ERC2: variants seen among roughly 807,000 people sequenced by gnomAD.
ERC2 encodes ELKS/RAB6-interacting/CAST family member 2, also known as ERC protein 2.
A neutral mutation model predicts 114.8 loss-of-function variants in ERC2; 42 were observed. That is an observed-to-expected ratio of 0.37 (90% CI 0.29 to 0.47). The LOEUF (loss-of-function observed/expected upper bound fraction) is 0.47, where lower values mean the gene tolerates loss of function less well. Ranked by LOEUF, ERC2 falls within the 20% of genes least tolerant of loss-of-function variation. The pLI is 0.99. For missense variants in ERC2, 939 were observed against 1,150.7 expected, an observed-to-expected ratio of 0.82 and a Z score of 2.66; for synonymous variants, 454 against 425.5, an observed-to-expected ratio of 1.07 and a Z score of -0.82.
chr3:56,173,407 A>G (rs771003651), intron 4 of ERC2, 39 bp downstream of exon 4: 1 of 1,589,230 alleles, frequency 6.3e-7, no homozygotes, highest in East Asian at 2.2e-5. Flanking sequence ...ACAAACTCCC[A>G]AGGCATAACT....
chr3:56,226,668 C>T (rs1170644697), intron 3 of ERC2, among the ~76,000 whole-genome samples: 1 of 152,052 alleles, frequency 6.6e-6, no homozygotes, highest in African/African-American at 2.4e-5. Context: ...ACAAATGGGT[C>T]TCCACCCTAC....
intron 17 of ERC2, among the ~76,000 whole-genome samples, chr3:55,583,399 T>TTTCCTTCCTTCATTCC: frequency 2.3e-5 from 2 of 87,074 alleles, no homozygotes; most frequent in South Asian, 4.6e-4. Flanking sequence ...TCCTTCCTTC[T>TTTCCTTCCTTCATTCC]TTCCTTCCTT....
intron 2 of ERC2, among the ~76,000 whole-genome samples, chr3:56,336,831 T>C (rs1205675623): frequency 6.6e-6 from 1 of 152,118 alleles, no homozygotes; most frequent in Non-Finnish European, 1.5e-5. Context: ...TCAATGTGGA[T>C]TGTGCAGAGG....
chr3:55,763,338 A>G (rs1340488709), intron 14 of ERC2, among the ~76,000 whole-genome samples: 6 of 152,230 alleles, frequency 3.9e-5, no homozygotes, highest in Non-Finnish European at 7.3e-5. Context: ...ACAGATGTCT[A>G]GTATTGCTAG....
chr3:56,014,771 A>G (rs141874648), intron 8 of ERC2, among the ~76,000 whole-genome samples: 1 of 152,354 alleles, frequency 6.6e-6, no homozygotes, highest in Non-Finnish European at 1.5e-5. Flanking sequence ...ATTTTAAGAA[A>G]GAAATCAAGA....
At chr3:55,935,465 A>G (rs1053560620) in intron 13 of ERC2, among the ~76,000 whole-genome samples, 6 of 152,204 alleles carry the variant, frequency 3.9e-5, no homozygotes, top group African/African-American at 1.4e-4. Context: ...CATTTGCTGA[A>G]TAGCTCAATT....
At chr3:56,357,997 A>G (rs1237489089) in intron 2 of ERC2, among the ~76,000 whole-genome samples, 2 of 151,788 alleles carry the variant, frequency 1.3e-5, no homozygotes, top group African/African-American at 4.8e-5. Flanking sequence ...CAAATAATGG[A>G]TAAAGACAAG....
At chr3:55,921,275 G>A (rs2149383954) in intron 13 of ERC2, among the ~76,000 whole-genome samples, 1 of 152,168 alleles carries the variant, frequency 6.6e-6, no homozygotes, top group African/African-American at 2.4e-5. Flanking sequence ...ACCCAAAATA[G>A]TTATGACCCT....
chr3:56,368,585 A>T (rs1253903925), intron 2 of ERC2, among the ~76,000 whole-genome samples: 1 of 152,042 alleles, frequency 6.6e-6, no homozygotes, highest in Admixed American at 6.6e-5. Flanking sequence ...CATGCAATCC[A>T]CTCCCTCAAG....
intron 2 of ERC2, among the ~76,000 whole-genome samples, chr3:56,406,110 C>T (rs1359371069): frequency 2.1e-5 from 3 of 145,096 alleles, no homozygotes; most frequent in Non-Finnish European, 4.6e-5. Flanking sequence ...CCAGGCTTGT[C>T]GTGAACTCCT....
intron 13 of ERC2, among the ~76,000 whole-genome samples, chr3:55,918,176 G>A (rs548605183): frequency 2.0e-5 from 3 of 152,176 alleles, no homozygotes; most frequent in South Asian, 2.1e-4. Context: ...TTCATTGACC[G>A]AAGCTTGGTC....
At chr3:55,677,679 C>T (rs1407736638) in intron 17 of ERC2, among the ~76,000 whole-genome samples, 2 of 152,092 alleles carry the variant, frequency 1.3e-5, no homozygotes, top group African/African-American at 4.8e-5. Flanking sequence ...ATCCAGAGAC[C>T]ACACTGTTAG....
In ERC2 at chr3:56,366,758, CTG is replaced by C. The variant is rs1168693319; in HGVS notation, c.657+67591_657+67592del. Reference sequence around the variant, plus strand: ...GAACACAGGCACAGGCCCTATAAGCCTGTTGTCTAAGCCGGCTTTACAGACTG... The same window carrying C: ...GAACACAGGCACAGGCCCTATAAGCCTTGTCTAAGCCGGCTTTACAGACTG... On this transcript the variant is annotated intron_variant, in intron 2 of 17. Coordinates refer to ENST00000288221, the MANE Select transcript of ERC2 (RefSeq NM_015576.3). 9.7e-4 allele frequency among the ~76,000 whole-genome samples: 148 copies of C among 152,324 alleles called. 1 individual carries two copies. Among genetic ancestry groups the C allele is most frequent in the African/African-American group, 3.4e-3 (141 of 41,578 alleles).
intron 14 of ERC2, among the ~76,000 whole-genome samples, chr3:55,749,180 C>A (rs1348165375): frequency 1.3e-5 from 2 of 152,290 alleles, no homozygotes; most frequent in East Asian, 3.9e-4. Context: ...AAGAGGCCCC[C>A]AGGCCTGGAA....
At chr3:55,577,517 C>T (rs867143485) in intron 17 of ERC2, among the ~76,000 whole-genome samples, 11 of 152,300 alleles carry the variant, frequency 7.2e-5, no homozygotes, top group Middle Eastern at 3.4e-3. Context: ...GCTCTGGGTG[C>T]TCCATAAACA....
intron 2 of ERC2, among the ~76,000 whole-genome samples, chr3:56,372,627 C>A (rs2059398559): frequency 1.3e-5 from 2 of 152,024 alleles, no homozygotes; most frequent in Admixed American, 1.3e-4. Flanking sequence ...ACTCAGGAGG[C>A]TGAGGTGGGA....
chr3:55,935,914 C>T (rs1186717656), intron 13 of ERC2, among the ~76,000 whole-genome samples: 1 of 152,162 alleles, frequency 6.6e-6, no homozygotes, highest in Non-Finnish European at 1.5e-5. Flanking sequence ...AACAAGAATG[C>T]CTCTTGCAGA....
chr3:56,170,317 T>A (rs2082564514), intron 4 of ERC2, among the ~76,000 whole-genome samples: 1 of 152,182 alleles, frequency 6.6e-6, no homozygotes, highest in African/African-American at 2.4e-5. Flanking sequence ...GCAGATGATA[T>A]TTCCCAAGGT....
intron 13 of ERC2, among the ~76,000 whole-genome samples, chr3:55,905,018 C>T (rs75264630): frequency 2.6e-5 from 4 of 152,124 alleles, no homozygotes; most frequent in Non-Finnish European, 5.9e-5. Context: ...AAGCAGCTCC[C>T]GTTTCCAAAT....
Sources: gnomAD v4.1 joint callset for allele counts (sites outside exome capture counted in the v4.1 genomes callset) on GRCh38, gnomAD v4.1.1 for gene constraint, MANE v1.5 for transcripts, NCBI Gene and HGNC (gene_info 2026-07-23, HGNC 2026-07-21) for gene names.